Variants in STK40 observed in about 807,000 individuals in gnomAD.
STK40 encodes serine/threonine kinase 40.
STK40 carries 13 observed loss-of-function variants against 47.9 expected under a neutral mutation model. The ratio of observed to expected loss-of-function variants is 0.27; its 90% CI spans 0.18 to 0.43. The LOEUF (loss-of-function observed/expected upper bound fraction) is 0.43. STK40 is among the 20% of genes least tolerant of loss of function. STK40 has a pLI of 1.00. For missense variants in STK40, 460 were observed against 595.1 expected, an observed-to-expected ratio of 0.77 and a Z score of 2.36; for synonymous variants, 225 against 243.2, an observed-to-expected ratio of 0.93 and a Z score of 0.69.
At chr1:36,348,183 G>A (rs1336122454) in intron 7 of STK40, among the ~76,000 whole-genome samples, 1 of 152,240 alleles carries the variant, frequency 6.6e-6, no homozygotes, top group East Asian at 1.9e-4. Context: ...ACTGTTCAAT[G>A]GCTTCCACTC....
chr1:36,372,423 C>CAAAAA (rs796595993), intron 1 of STK40, among the ~76,000 whole-genome samples: 25 of 39,482 alleles, frequency 6.3e-4, no homozygotes, highest in South Asian at 1.1e-3. Context: ...GACCTTGTCT[C>CAAAAA]AAAAAAAAAA....
rs1460246205 is a variant in STK40 at position 36,372,504 on chromosome 1, G to C, written c.-8-11164C>G. On this transcript the variant is annotated intron_variant, in intron 1 of 10. Transcript: ENST00000373132. ...ACTCAGAGCTGCCTGAAGTCACCTG[G>C]CTAGCTGTTGGAAGAGGTGGGATAT... The C allele has an allele frequency of 2.0e-5, 3 of 151,844 alleles. No homozygotes were observed. The East Asian group carries it at 5.8e-4, about 29-fold the overall frequency. 9.4% of individuals were successfully genotyped at this position (151,844 alleles called of 1,614,324 possible).
intron 6 of STK40, 145 bp downstream of exon 6, chr1:36,354,219 C>T: frequency 1.2e-6 from 1 of 805,316 alleles, no homozygotes; most frequent in South Asian, 1.6e-5. Context: ...ATGTTCATCC[C>T]ATCCCGAGCC....
chr1:36,343,990 G>T lies in STK40; in HGVS notation c.885-11C>A. 6.2e-7 allele frequency: 1 copy of T among 1,600,182 alleles called. No individual in the cohort carries two copies. Among genetic ancestry groups the T allele is most frequent in the East Asian group, 2.2e-5 (1 of 44,546 alleles). On this transcript the variant is annotated splice_polypyrimidine_tract_variant and intron_variant, in intron 8 of 10. Coordinates refer to ENST00000373132, the MANE Select transcript of STK40 (RefSeq NM_001282547.2). ...GAAACCCGTCCATCCCTGAGGCAGG[G>T]AGTTGGGGAGGAGGGCTCAGTGGGT...
At chr1:36,348,022 G>C (rs1226744641) in intron 7 of STK40, among the ~76,000 whole-genome samples, 1 of 152,222 alleles carries the variant, frequency 6.6e-6, no homozygotes, top group African/African-American at 2.4e-5. Context: ...AGGCAGCAAT[G>C]TTTGTCTACT....
chr1:36,381,107 C>T (rs1647036082), intron 1 of STK40, among the ~76,000 whole-genome samples: 1 of 152,166 alleles, frequency 6.6e-6, no homozygotes, highest in African/African-American at 2.4e-5. Flanking sequence ...TTCTTCTCAA[C>T]CCTATTGCCT....
At chr1:36,355,183 G>A (rs755967697) in intron 5 of STK40, 23 bp downstream of exon 5, 14 of 1,607,366 alleles carry the variant, frequency 8.7e-6, no homozygotes, top group African/African-American at 4.0e-5. Context: ...GCCAGAAGGC[G>A]CAGCAGCAGG....
intron 1 of STK40, among the ~76,000 whole-genome samples, chr1:36,373,150 T>A (rs1356621659): frequency 1.3e-5 from 2 of 152,156 alleles, no homozygotes; most frequent in Non-Finnish European, 2.9e-5. Flanking sequence ...CTCAGTTTCC[T>A]CATCTGTAAA....
At chr1:36,385,427 T>C (rs1394049604) in intron 1 of STK40, among the ~76,000 whole-genome samples, 1 of 152,196 alleles carries the variant, frequency 6.6e-6, no homozygotes, top group Admixed American at 6.5e-5. Flanking sequence ...CACACGCCGG[T>C]TGCTTCACTC....
intron 2 of STK40, among the ~76,000 whole-genome samples, chr1:36,360,395 C>G (rs1464997659): frequency 1.3e-5 from 2 of 152,172 alleles, no homozygotes; most frequent in Non-Finnish European, 2.9e-5. Context: ...ACACCTGTGC[C>G]AGGATTTCTG....
At chr1:36,385,667 GC>G in intron 1 of STK40, 55 bp downstream of exon 1, 1 of 153,810 alleles carries the variant, frequency 6.5e-6, no homozygotes, top group Non-Finnish European at 1.4e-5. Flanking sequence ...GCCGGGGCCC[GC>G]CCCGCCTACC....
intron 1 of STK40, among the ~76,000 whole-genome samples, chr1:36,362,807 A>G (rs1388683049): frequency 6.6e-6 from 1 of 152,190 alleles, no homozygotes; most frequent in Non-Finnish European, 1.5e-5. Flanking sequence ...ATTATTACAA[A>G]CATGTGGACC....
chr1:36,346,866 C>T (rs1041692131), intron 7 of STK40, among the ~76,000 whole-genome samples: 4 of 152,216 alleles, frequency 2.6e-5, no homozygotes, highest in Admixed American at 2.6e-4. Flanking sequence ...CAAACAGGCA[C>T]AGCCCCACTC....
chr1:36,357,801 G>C (rs1045544089), intron 4 of STK40, among the ~76,000 whole-genome samples: 2 of 152,106 alleles, frequency 1.3e-5, no homozygotes, highest in African/African-American at 4.8e-5. Context: ...ATTTTTAGTG[G>C]AGACGGGGTT....
intron 7 of STK40, among the ~76,000 whole-genome samples, chr1:36,347,895 G>A (rs1436400568): frequency 1.3e-5 from 2 of 152,086 alleles, no homozygotes; most frequent in South Asian, 4.1e-4. Context: ...TTATGATCCC[G>A]CCACAGCCTC....
At chr1:36,354,477 C>CT in intron 5 of STK40, 61 bp from the exon 6 acceptor site, 2 of 1,575,436 alleles carry the variant, frequency 1.3e-6, no homozygotes, top group Non-Finnish European at 1.7e-6. Context: ...CAGGGCCCAC[C>CT]CTGTAAGATG....
intron 8 of STK40, 56 bp from the exon 9 acceptor site, chr1:36,344,035 G>C (rs756277690): frequency 6.3e-6 from 10 of 1,589,452 alleles, no homozygotes; most frequent in Non-Finnish European, 7.7e-6. Context: ...TCTGTGGCCA[G>C]GATGCCCAGG....
intron 4 of STK40, among the ~76,000 whole-genome samples, chr1:36,357,839 T>A (rs999835698): frequency 2.0e-5 from 3 of 152,144 alleles, no homozygotes; most frequent in African/African-American, 7.2e-5. Flanking sequence ...ATGGTCTCGA[T>A]CTCCTGACCT....
intron 1 of STK40, chr1:36,366,042 C>CTA (rs1421986471): frequency 6.6e-6 from 1 of 152,226 alleles, no homozygotes; most frequent in Non-Finnish European, 1.5e-5. Flanking sequence ...CCCACTGCCT[C>CTA]CAATAGTAAG....
Sources: gnomAD v4.1 joint callset for allele counts (sites outside exome capture counted in the v4.1 genomes callset) on GRCh38, gnomAD v4.1.1 for gene constraint, MANE v1.5 for transcripts, NCBI Gene and HGNC (gene_info 2026-07-23, HGNC 2026-07-21) for gene names.